CPS1: variants seen among roughly 807,000 people sequenced by gnomAD.
CPS1 encodes carbamoyl-phosphate synthase 1, also known as carbamoyl-phosphate synthase [ammonia], mitochondrial.
A neutral mutation model predicts 174.6 loss-of-function variants in CPS1; 109 were observed. The observed-to-expected ratio is 0.62, with a 90% confidence interval of 0.53 to 0.73. CPS1 has a LOEUF of 0.73. CPS1 is among the 30% of genes least tolerant of loss of function. The pLI is 0.00. For missense variants in CPS1, 1,689 were observed against 1,821.9 expected (o/e 0.93, Z 1.33); for synonymous variants, 637 against 632.0 (o/e 1.01, Z -0.12).
At chr2:210,645,310 A>G (rs1700345932) in intron 25 of CPS1, among the ~76,000 whole-genome samples, 1 of 152,100 alleles carries the variant, frequency 6.6e-6, no homozygotes, top group African/African-American at 2.4e-5. Flanking sequence ...TTTTGTGCTG[A>G]AAGCTTTTCT....
intron 34 of CPS1, among the ~76,000 whole-genome samples, chr2:210,668,635 C>A (rs1231472327): frequency 6.6e-6 from 1 of 152,098 alleles, no homozygotes; most frequent in Non-Finnish European, 1.5e-5. Context: ...TGAACATAGG[C>A]ATTATATGAG....
Position 210,674,977 on chromosome 2 carries a change from T to A in CPS1, c.4161+16T>A. On this transcript the variant is annotated intron_variant, in intron 35 of 37. Coordinates refer to ENST00000233072, the MANE Select transcript of CPS1 (RefSeq NM_001875.5). ...AGGTTTCAAGGTATGTTCATTAGTT[T>A]TAAGTTGTTTTCTGTCAGCATGGAA... is the stretch of plus-strand genomic sequence containing the variant. The A allele has an allele frequency of 6.3e-7, 1 of 1,595,932 alleles. No homozygotes were observed. The highest frequency in any genetic ancestry group is 2.2e-5 in the East Asian group (1 of 44,774).
At chr2:210,579,834 G>GTT in intron 5 of CPS1, 64 bp downstream of exon 5, 1 of 1,326,168 alleles carries the variant, frequency 7.5e-7, no homozygotes, top group South Asian at 1.2e-5. Flanking sequence ...GTGTGTGTGT[G>GTT]GTGTTTCCCT....
intron 1 of CPS1, among the ~76,000 whole-genome samples, chr2:210,480,774 C>A (rs904266569): frequency 2.6e-5 from 4 of 152,068 alleles, no homozygotes; most frequent in Non-Finnish European, 5.9e-5. Flanking sequence ...ACCTTATTTT[C>A]TTTTTAGCTC....
At chr2:210,477,713 T>A (rs375555180) in exon 1 of CPS1, 1 of 1,609,496 alleles carries the variant, frequency 6.2e-7, no homozygotes, top group African/African-American at 1.3e-5. Flanking sequence ...TCTTAGGAAA[T>A]GTAGTTGCTT....
At position 210,531,423 on chromosome 2, in the gene CPS1, T is replaced by C. The variant is rs1329684376; in HGVS notation, c.4-25296T>C. ...TGTTTCTTTGGTACTTATTATTCCATGCCTACTGAAAAACTGAACAATAAA... is the reference window on the plus strand; with the variant it reads ...TGTTTCTTTGGTACTTATTATTCCACGCCTACTGAAAAACTGAACAATAAA... On this transcript the variant is annotated intron_variant, in intron 1 of 38. Coordinates refer to the CPS1 transcript ENST00000430249. Among the ~76,000 whole-genome samples the C allele has an allele frequency of 2.0e-5, 3 of 152,152 alleles. No homozygotes were observed. In the East Asian group the frequency reaches 5.8e-4, roughly 29 times the overall value.
At chr2:210,623,347 T>C (rs915463514) in intron 21 of CPS1, among the ~76,000 whole-genome samples, 1 of 152,142 alleles carries the variant, frequency 6.6e-6, no homozygotes, top group Non-Finnish European at 1.5e-5. Context: ...TTCCCTATTG[T>C]TGACATAAAC....
chr2:210,601,490 A>G (rs1055234498), intron 15 of CPS1, among the ~76,000 whole-genome samples: 4 of 151,984 alleles, frequency 2.6e-5, no homozygotes, highest in African/African-American at 7.2e-5. Context: ...AAACTTGTCA[A>G]TCAAATAATC....
At chr2:210,515,687 G>C (rs186704831) in intron 1 of CPS1, among the ~76,000 whole-genome samples, 3 of 151,646 alleles carry the variant, frequency 2.0e-5, no homozygotes, top group Middle Eastern at 3.4e-3. Flanking sequence ...ATAGATTTTT[G>C]TGTCTCATTT....
intron 11 of CPS1, 24 bp from the exon 12 acceptor site, chr2:210,594,484 C>A: frequency 6.6e-7 from 1 of 1,521,014 alleles, no homozygotes; most frequent in Non-Finnish European, 9.1e-7. Context: ...AAGCTTCTAA[C>A]TAGTTGGTTG....
Position 210,599,390 on chromosome 2 carries a change from G to C in CPS1, c.1378G>C (p.Val460Leu). 6.2e-7 allele frequency: 1 copy of C among 1,612,292 alleles called. No homozygotes were observed. The highest frequency in any genetic ancestry group is 8.5e-7 in the Non-Finnish European group (1 of 1,178,884). ...CTTTCAGGAAGAAAATGTCAAAACT[G>C]TTCTGATGAACCCAAACATTGCATC... is the stretch of plus-strand genomic sequence containing the variant. Reference protein sequence around the residue: ...KAMKEENVKTVLMNPNIASVQ... With the variant: ...KAMKEENVKTLLMNPNIASVQ... The change falls in exon 14 of 38, where the codon GTT (valine) becomes CTT (leucine). Residue 460 changes from valine (V) to leucine (L), a missense_variant. Transcript: ENST00000233072.
At chr2:210,556,038 A>G (rs865779312), upstream of CPS1, among the ~76,000 whole-genome samples, 4 of 151,992 alleles carry the variant, frequency 2.6e-5, no homozygotes, top group South Asian at 6.2e-4. Flanking sequence ...TGATTGCTTT[A>G]ACTTTGAAAC....
chr2:210,520,764 T>G (rs1246296359), intron 1 of CPS1, among the ~76,000 whole-genome samples: 2 of 152,038 alleles, frequency 1.3e-5, no homozygotes, highest in Non-Finnish European at 2.9e-5. Context: ...CATATTGTTG[T>G]GTTTGGCAAT....
intron 1 of CPS1, among the ~76,000 whole-genome samples, chr2:210,516,232 T>G (rs1289029236): frequency 6.6e-6 from 1 of 151,868 alleles, no homozygotes; most frequent in Non-Finnish European, 1.5e-5. Context: ...AAGTGTCATA[T>G]TTAAGTCCAG....
chr2:210,637,965 C>A, intron 22 of CPS1, 122 bp downstream of exon 22: 1 of 1,099,604 alleles, frequency 9.1e-7, no homozygotes, highest in Non-Finnish European at 1.4e-6. Flanking sequence ...TGACAATACT[C>A]ATCCGGTTGA....
At chr2:210,598,443 T>A (rs1049340592) in intron 13 of CPS1, among the ~76,000 whole-genome samples, 1 of 151,568 alleles carries the variant, frequency 6.6e-6, no homozygotes, top group Non-Finnish European at 1.5e-5. Flanking sequence ...CAAAACCCAA[T>A]GGTATGCTGT....
At chr2:210,672,821 A>G (rs902269866) in intron 34 of CPS1, 3 of 152,158 alleles carry the variant, frequency 2.0e-5, no homozygotes, top group Admixed American at 6.5e-5. Flanking sequence ...ATCCAGTTAC[A>G]TTTATCTATT....
chr2:210,512,732 A>C (rs1695531401), intron 1 of CPS1, among the ~76,000 whole-genome samples: 2 of 91,912 alleles, frequency 2.2e-5, no homozygotes, highest in African/African-American at 3.8e-5. Context: ...ATCCTCCAGT[A>C]GTTTTATATA....
At chr2:210,575,496 TACAC>T (rs1217780781) in intron 2 of CPS1, among the ~76,000 whole-genome samples, 1 of 142,850 alleles carries the variant, frequency 7.0e-6, no homozygotes, top group East Asian at 2.1e-4. Flanking sequence ...TGTGTGTATA[TACAC>T]ACACGATATG....
Sources: allele counts gnomAD v4.1 joint callset (sites outside exome capture counted in the v4.1 genomes callset), GRCh38; gene constraint gnomAD v4.1.1; transcripts MANE v1.5; gene names NCBI Gene and HGNC (gene_info 2026-07-23, HGNC 2026-07-21).